LRMDA: variants seen among roughly 807,000 people sequenced by gnomAD.
LRMDA encodes leucine rich melanocyte differentiation associated.
A neutral mutation model predicts 29.8 loss-of-function variants in LRMDA; 18 were observed. The ratio of observed to expected loss-of-function variants is 0.60; its 90% CI spans 0.42 to 0.90. The LOEUF (loss-of-function observed/expected upper bound fraction) is 0.90. Among genes scored for constraint, LRMDA ranks in the 40% least tolerant of loss-of-function variants. The pLI, the probability that LRMDA is intolerant of heterozygous loss-of-function variation, is 0.00. For missense variants in LRMDA, 273 were observed against 273.9 expected, an observed-to-expected ratio of 1.00 and a Z score of 0.02; for synonymous variants, 125 against 109.4, an observed-to-expected ratio of 1.14 and a Z score of -0.89.
intron 6 of LRMDA, among the ~76,000 whole-genome samples, chr10:76,336,252 G>C (rs894529580): frequency 1.3e-5 from 2 of 152,026 alleles, no homozygotes; most frequent in Non-Finnish European, 1.5e-5. Flanking sequence ...TGCTGGTTCA[G>C]CTTTTTCATA....
chr10:76,212,096 G>A (rs143949382), intron 5 of LRMDA, among the ~76,000 whole-genome samples: 1 of 152,068 alleles, frequency 6.6e-6, no homozygotes, highest in East Asian at 1.9e-4. Flanking sequence ...TTATCAAAAG[G>A]AAACATAGCC....
chr10:76,343,042 A>G (rs1841060289), intron 6 of LRMDA, among the ~76,000 whole-genome samples: 1 of 152,230 alleles, frequency 6.6e-6, no homozygotes, highest in Non-Finnish European at 1.5e-5. Context: ...TATTTCTGTC[A>G]TAATTTATTT....
At chr10:76,000,162 T>A (rs1256996539) in intron 2 of LRMDA, among the ~76,000 whole-genome samples, 2 of 152,020 alleles carry the variant, frequency 1.3e-5, no homozygotes, top group East Asian at 3.9e-4. Flanking sequence ...ATTATTTGGG[T>A]TTTTGGTGAT....
chr10:75,461,373 C>G (rs567679310), intron 2 of LRMDA, among the ~76,000 whole-genome samples: 2 of 152,048 alleles, frequency 1.3e-5, no homozygotes, highest in Non-Finnish European at 2.9e-5. Flanking sequence ...TAATGAAGGT[C>G]TTCTTTTTTC....
chr10:76,280,858 T>G (rs1356068005), intron 5 of LRMDA, among the ~76,000 whole-genome samples: 1 of 151,984 alleles, frequency 6.6e-6, no homozygotes, highest in Non-Finnish European at 1.5e-5. Flanking sequence ...ACTGTAAATA[T>G]GAGTAAAATG....
At chr10:75,779,057 G>A (rs532124909) in intron 2 of LRMDA, among the ~76,000 whole-genome samples, 60 of 152,284 alleles carry the variant, frequency 3.9e-4, no homozygotes, top group East Asian at 2.1e-3. Flanking sequence ...CTTTTGTAAA[G>A]GTAGGAGAGC....
chr10:76,263,135 G>T (rs1589400156), intron 5 of LRMDA, among the ~76,000 whole-genome samples: 1 of 152,038 alleles, frequency 6.6e-6, no homozygotes, highest in African/African-American at 2.4e-5. Context: ...TTAAATGATT[G>T]ATCTTTACTT....
chr10:75,710,623 C>T (rs1377881048), intron 2 of LRMDA, among the ~76,000 whole-genome samples: 3 of 152,232 alleles, frequency 2.0e-5, no homozygotes, highest in Non-Finnish European at 4.4e-5. Flanking sequence ...TTCCCCTGGT[C>T]TCTTCTGTCA....
chr10:76,456,772 CGTT>C (rs1564546736), intron 6 of LRMDA, among the ~76,000 whole-genome samples: 1 of 152,008 alleles, frequency 6.6e-6, no homozygotes, highest in Non-Finnish European at 1.5e-5. Context: ...TCTACCTTCC[CGTT>C]GTTAAGAGGT....
At chr10:76,188,597 A>G (rs955843036) in intron 5 of LRMDA, among the ~76,000 whole-genome samples, 2 of 152,172 alleles carry the variant, frequency 1.3e-5, no homozygotes, top group Non-Finnish European at 2.9e-5. Flanking sequence ...CTGATGGAAT[A>G]ACACTTCCAA....
At chr10:75,588,864 ATT>A (rs1840687402) in intron 2 of LRMDA, among the ~76,000 whole-genome samples, 1 of 152,214 alleles carries the variant, frequency 6.6e-6, no homozygotes, top group South Asian at 2.1e-4. Context: ...AAAAGATATC[ATT>A]CTTTTCTTAT....
At chr10:76,077,236 C>A (rs1213074128) in intron 5 of LRMDA, among the ~76,000 whole-genome samples, 2 of 152,302 alleles carry the variant, frequency 1.3e-5, no homozygotes, top group East Asian at 3.9e-4. Context: ...GAGCCAGGCA[C>A]CATCCTCCTA....
intron 6 of LRMDA, among the ~76,000 whole-genome samples, chr10:76,371,686 A>C: frequency 6.6e-6 from 1 of 152,246 alleles, no homozygotes; most frequent in South Asian, 2.1e-4. Flanking sequence ...GGGCTGAGTA[A>C]CTTCTTTCTC....
chr10:75,793,863 G>A (rs574175980), intron 2 of LRMDA, among the ~76,000 whole-genome samples: 1 of 152,192 alleles, frequency 6.6e-6, no homozygotes, highest in East Asian at 1.9e-4. Context: ...TAAGCCAGGG[G>A]TCAGCACACT....
chr10:76,176,006 C>A (rs1459124957), intron 5 of LRMDA, among the ~76,000 whole-genome samples: 1 of 152,202 alleles, frequency 6.6e-6, no homozygotes, highest in Non-Finnish European at 1.5e-5. Flanking sequence ...CAGGAATGAG[C>A]CGGGCCTGGA....
At chr10:75,562,858 C>T (rs1268480731) in intron 2 of LRMDA, among the ~76,000 whole-genome samples, 3 of 152,094 alleles carry the variant, frequency 2.0e-5, no homozygotes, top group Admixed American at 1.3e-4. Context: ...AATATTGGCC[C>T]CCACTCTCTT....
chr10:75,619,687 C>A (rs1268225180), intron 2 of LRMDA, among the ~76,000 whole-genome samples: 1 of 152,210 alleles, frequency 6.6e-6, no homozygotes, highest in Non-Finnish European at 1.5e-5. Flanking sequence ...TACACACTGG[C>A]TCACTGTGAG....
At chr10:75,833,056 T>C (rs1203879327) in intron 2 of LRMDA, among the ~76,000 whole-genome samples, 4 of 152,150 alleles carry the variant, frequency 2.6e-5, no homozygotes, top group Admixed American at 1.3e-4. Context: ...CATTTTAAAG[T>C]ATGTTGTCCT....
intron 2 of LRMDA, among the ~76,000 whole-genome samples, chr10:75,769,568 G>A (rs1843212051): frequency 1.3e-5 from 2 of 152,102 alleles, no homozygotes; most frequent in South Asian, 4.2e-4. Context: ...TAAGTATGGT[G>A]GGGGTGGTGG....
Sources: gnomAD v4.1 joint callset for allele counts (sites outside exome capture counted in the v4.1 genomes callset) on GRCh38, gnomAD v4.1.1 for gene constraint, MANE v1.5 for transcripts, NCBI Gene and HGNC (gene_info 2026-07-23, HGNC 2026-07-21) for gene names.